The following NSF variants were observed in gnomAD, a reference collection of about 807,000 sequenced individuals.
NSF encodes N-ethylmaleimide sensitive factor, vesicle fusing ATPase.
NSF carries 14 observed loss-of-function variants against 50.3 expected under a neutral mutation model. The observed-to-expected ratio is 0.28, with a 90% confidence interval of 0.18 to 0.44. The LOEUF is 0.44. NSF is among the 20% of genes least tolerant of loss of function. The probability of loss-of-function intolerance (pLI) is 1.00; values close to 1 mark genes in which losing one functional copy is unlikely to be tolerated. For missense variants in NSF, 218 were observed against 504.3 expected (o/e 0.43, Z 5.44); for synonymous variants, 109 against 175.7 (o/e 0.62, Z 3.00).
intron 17 of NSF, among the ~76,000 whole-genome samples, chr17:46,743,189 C>T (rs1003861445): frequency 7.2e-5 from 11 of 152,052 alleles, no homozygotes; most frequent in African/African-American, 2.2e-4. Flanking sequence ...TAACCCAGAG[C>T]CAACCTTGGC....
chr17:46,601,878 T>TA (rs533376609), intron 1 of NSF, among the ~76,000 whole-genome samples: 2,532 of 140,646 alleles, frequency 0.018, 56 homozygotes, highest in African/African-American at 0.059. Flanking sequence ...CCCACTCCTT[T>TA]AAAAAAAAAA....
chr17:46,745,354 G>A (rs138478571), intron 17 of NSF, among the ~76,000 whole-genome samples: 236 of 152,236 alleles, frequency 1.6e-3, no homozygotes, highest in African/African-American at 5.3e-3. Context: ...TAAAGATGAC[G>A]CTTTACAAGT....
intron 15 of NSF, among the ~76,000 whole-genome samples, chr17:46,726,345 C>A (rs1219813538): frequency 6.6e-6 from 1 of 152,222 alleles, no homozygotes; most frequent in Non-Finnish European, 1.5e-5. Flanking sequence ...AGGTGTGACA[C>A]ACACAGCTGT....
intron 4 of NSF, among the ~76,000 whole-genome samples, chr17:46,635,743 A>G (rs2058178900): frequency 8.2e-6 from 1 of 121,320 alleles, no homozygotes; most frequent in African/African-American, 3.1e-5. Context: ...AAATTTTAGG[A>G]CAAGTATCTT....
At chr17:46,715,744 A>G (rs977642553) in intron 15 of NSF, among the ~76,000 whole-genome samples, 4 of 152,226 alleles carry the variant, frequency 2.6e-5, no homozygotes, top group African/African-American at 9.6e-5. Flanking sequence ...TGCTGATTTT[A>G]GAGGCTTAAA....
chr17:46,598,991 G>A (rs1287627112), intron 1 of NSF, among the ~76,000 whole-genome samples: 1 of 114,350 alleles, frequency 8.7e-6, no homozygotes, highest in African/African-American at 3.6e-5. Context: ...ATGAATTTTA[G>A]GAAACAAAAC....
chr17:46,746,004 A>G (rs530320250), intron 17 of NSF, among the ~76,000 whole-genome samples: 1 of 152,250 alleles, frequency 6.6e-6, no homozygotes, highest in African/African-American at 2.4e-5. Context: ...CAACTCATGT[A>G]TCATCTCCTC....
intron 15 of NSF, 110 bp from the exon 16 acceptor site, chr17:46,726,438 TG>T: frequency 2.2e-6 from 2 of 926,902 alleles, no homozygotes; most frequent in Non-Finnish European, 3.6e-6. Context: ...TCCAAAGTGT[TG>T]GTGTTTTCCT....
intron 9 of NSF, among the ~76,000 whole-genome samples, chr17:46,687,453 A>G (rs1318223733): frequency 1.1e-4 from 16 of 150,180 alleles, no homozygotes; most frequent in African/African-American, 3.7e-4. Context: ...TCCTTATCAT[A>G]CTACAGGGTA....
chr17:46,734,053 C>A (rs2058976413), intron 17 of NSF, among the ~76,000 whole-genome samples: 1 of 152,176 alleles, frequency 6.6e-6, no homozygotes, highest in African/African-American at 2.4e-5. Flanking sequence ...TCAGCAGTCT[C>A]TAGACAACAT....
At chr17:46,748,949 A>G (rs2059156672) in intron 17 of NSF, among the ~76,000 whole-genome samples, 1 of 152,202 alleles carries the variant, frequency 6.6e-6, no homozygotes, top group Admixed American at 6.5e-5. Flanking sequence ...AGATTTAACT[A>G]AAGACTGTGA....
chr17:46,691,519 C>G (rs1467912060), intron 9 of NSF, among the ~76,000 whole-genome samples: 1 of 144,744 alleles, frequency 6.9e-6, no homozygotes, highest in Non-Finnish European at 1.5e-5. Context: ...CACTTGAACC[C>G]GGGAGGCAGA....
At chr17:46,743,294 A>G (rs147630185) in intron 17 of NSF, among the ~76,000 whole-genome samples, 3 of 152,128 alleles carry the variant, frequency 2.0e-5, no homozygotes, top group African/African-American at 4.8e-5. Context: ...ACCTAACCGT[A>G]TGGATTCCTG....
At chr17:46,722,946 C>A (rs987953151) in intron 15 of NSF, among the ~76,000 whole-genome samples, 1 of 152,162 alleles carries the variant, frequency 6.6e-6, no homozygotes, top group African/African-American at 2.4e-5. Context: ...CAGAGACCGA[C>A]TGCAAAAAAC....
chr17:46,601,668 G>A (rs1361113821), intron 1 of NSF, among the ~76,000 whole-genome samples: 1 of 147,432 alleles, frequency 6.8e-6, no homozygotes, highest in South Asian at 2.1e-4. Flanking sequence ...ATTATATCCA[G>A]TTCCCATATA....
At chr17:46,708,741 A>G (rs2058683572) in intron 13 of NSF, among the ~76,000 whole-genome samples, 2 of 145,256 alleles carry the variant, frequency 1.4e-5, no homozygotes, top group South Asian at 2.2e-4. Flanking sequence ...CGATCCACCT[A>G]CCTCAGCCTC....
At chr17:46,718,529 A>C (rs2058797158) in intron 15 of NSF, among the ~76,000 whole-genome samples, 1 of 152,212 alleles carries the variant, frequency 6.6e-6, no homozygotes, top group South Asian at 2.1e-4. Context: ...ATAACTAAAA[A>C]TTTAAAATTT....
At chr17:46,722,660 G>T (rs776083104) in intron 15 of NSF, among the ~76,000 whole-genome samples, 8 of 152,222 alleles carry the variant, frequency 5.3e-5, no homozygotes, top group Non-Finnish European at 1.0e-4. Flanking sequence ...CTAAGGGACT[G>T]AGGAGACTAG....
intron 15 of NSF, among the ~76,000 whole-genome samples, chr17:46,724,473 G>T (rs547340179): frequency 1.3e-5 from 2 of 152,286 alleles, no homozygotes; most frequent in East Asian, 3.9e-4. Flanking sequence ...GGTGAATCAT[G>T]CAGTGACTCC....
Sources: allele counts gnomAD v4.1 joint callset (sites outside exome capture counted in the v4.1 genomes callset), GRCh38; gene constraint gnomAD v4.1.1; transcripts MANE v1.5; gene names NCBI Gene and HGNC (gene_info 2026-07-23, HGNC 2026-07-21).